The following MALT1 variants were observed in gnomAD, a reference collection of about 807,000 sequenced individuals.
The protein encoded by MALT1 is MALT1 paracaspase, also known as mucosa-associated lymphoid tissue lymphoma translocation protein 1.
In MALT1, 36 loss-of-function variants were observed where a neutral mutation model predicts 85.5. That is an observed-to-expected ratio of 0.42 (90% CI 0.32 to 0.56). The LOEUF (loss-of-function observed/expected upper bound fraction) is 0.56, where lower values mean the gene tolerates loss of function less well. MALT1 is among the 20% of genes least tolerant of loss of function. MALT1 has a pLI of 0.10. For missense variants in MALT1, 716 were observed against 981.6 expected, an observed-to-expected ratio of 0.73 and a Z score of 3.62; for synonymous variants, 359 against 361.3, an observed-to-expected ratio of 0.99 and a Z score of 0.07.
At position 58,714,119 on chromosome 18, in the gene MALT1, A is replaced by C. The variant is rs767943013; in HGVS notation, c.985+10A>C. ...AATCTTGGTCATCCTGGTGAGTAAT[A>C]CAAACATAAAACTTTAGTTTTAGAT... On this transcript the variant is annotated intron_variant, in intron 8 of 16. Coordinates refer to ENST00000649217, the MANE Select transcript of MALT1 (RefSeq NM_006785.4). 8.0e-7 allele frequency: 1 copy of C among 1,248,678 alleles called. No individual in the cohort carries two copies. Among genetic ancestry groups the C allele is most frequent in the South Asian group, 1.3e-5 (1 of 79,908 alleles). The allele number at this position is 1,248,678 out of a possible 1,614,324, so 77.3% of individuals were successfully genotyped here.
At chr18:58,689,059 G>A (rs1409317766) in intron 2 of MALT1, among the ~76,000 whole-genome samples, 1 of 152,096 alleles carries the variant, frequency 6.6e-6, no homozygotes, top group Non-Finnish European at 1.5e-5. Flanking sequence ...TGCTGAGGTG[G>A]GAGGATGGCT....
intron 14 of MALT1, 147 bp from the exon 15 acceptor site, chr18:58,744,191 G>C: frequency 2.2e-6 from 1 of 460,758 alleles, no homozygotes; most frequent in Non-Finnish European, 3.8e-6. Flanking sequence ...CAGCAGAATA[G>C]TGAGCATTAT....
intron 3 of MALT1, 45 bp from the exon 4 acceptor site, chr18:58,700,396 G>A: frequency 6.9e-7 from 1 of 1,444,446 alleles, no homozygotes; most frequent in South Asian, 1.4e-5. Context: ...TTTATAAGGT[G>A]TGTTTTTGAT....
chr18:58,738,393 G>T (rs1453956124), intron 13 of MALT1, among the ~76,000 whole-genome samples: 1 of 151,970 alleles, frequency 6.6e-6, no homozygotes, highest in Non-Finnish European at 1.5e-5. Context: ...CTCCTGTGTT[G>T]GTGAGCATTT....
intron 9 of MALT1, among the ~76,000 whole-genome samples, chr18:58,717,362 CAAA>C (rs59731346): frequency 3.0e-5 from 3 of 98,436 alleles, no homozygotes; most frequent in Non-Finnish European, 2.3e-5. Flanking sequence ...AACTCTGTCT[CAAA>C]AAAAAAAAAA....
At chr18:58,721,556 A>C (rs563461525) in intron 9 of MALT1, among the ~76,000 whole-genome samples, 2 of 152,216 alleles carry the variant, frequency 1.3e-5, no homozygotes, top group Non-Finnish European at 2.9e-5. Context: ...TACATATAGA[A>C]TAGAGATGAC....
chr18:58,712,876 G>T (rs1165664375), intron 7 of MALT1, among the ~76,000 whole-genome samples: 1 of 152,078 alleles, frequency 6.6e-6, no homozygotes, highest in East Asian at 1.9e-4. Flanking sequence ...TTTTTTTAGG[G>T]CAGTGGAACT....
chr18:58,689,622 A>G (rs1416459119), intron 2 of MALT1, among the ~76,000 whole-genome samples: 2 of 152,222 alleles, frequency 1.3e-5, no homozygotes, highest in Non-Finnish European at 2.9e-5. Context: ...ACGGACAGTA[A>G]GAAACAGGGA....
intron 2 of MALT1, among the ~76,000 whole-genome samples, chr18:58,693,860 A>G (rs1001885957): frequency 2.0e-5 from 3 of 152,314 alleles, no homozygotes; most frequent in Non-Finnish European, 2.9e-5. Flanking sequence ...CAAAACTCCT[A>G]TATTTTTTAG....
chr18:58,697,419 G>C lies in MALT1; in HGVS notation c.498+932G>C, dbSNP rs11877207. Among the ~76,000 whole-genome samples, 1,020 of 152,230 alleles carry C rather than the reference G, an allele frequency of 6.7e-3. 12 individuals carry two copies. Among genetic ancestry groups the C allele is most frequent in the African/African-American group, 0.023 (943 of 41,534 alleles). On this transcript the variant is annotated intron_variant, in intron 3 of 16. Transcript: ENST00000649217. ...GAATGTAGTAAAAAGATTGCATGTA[G>C]CTTTGGCACTAGATAGGTCTGTGTT... is the stretch of plus-strand genomic sequence containing the variant.
At chr18:58,677,097 A>G (rs1240141972) in intron 1 of MALT1, among the ~76,000 whole-genome samples, 2 of 152,236 alleles carry the variant, frequency 1.3e-5, no homozygotes, top group African/African-American at 4.8e-5. Flanking sequence ...GCACACTCTT[A>G]CAGGAATGTA....
chr18:58,698,927 T>G (rs2144358031), intron 3 of MALT1, among the ~76,000 whole-genome samples: 1 of 152,292 alleles, frequency 6.6e-6, no homozygotes, highest in South Asian at 2.1e-4. Flanking sequence ...TTATGGTACT[T>G]TTACTCTTGG....
intron 10 of MALT1, 143 bp from the exon 11 acceptor site, chr18:58,733,254 A>G (rs1186675368): frequency 6.8e-6 from 4 of 584,074 alleles, no homozygotes; most frequent in Non-Finnish European, 1.2e-5. Flanking sequence ...GTCTATATTT[A>G]TAATTGGGTA....
chr18:58,676,849 A>G (rs1228389398), intron 1 of MALT1, among the ~76,000 whole-genome samples: 2 of 152,238 alleles, frequency 1.3e-5, no homozygotes, highest in Non-Finnish European at 2.9e-5. Context: ...AAATAGATCA[A>G]ATTAATGAAT....
At position 58,751,752 on chromosome 18, in the gene MALT1, C is replaced by T. The variant is rs2055449829; in HGVS notation, c.*3910C>T. 1 of 152,118 alleles carries T rather than the reference C, an allele frequency of 6.6e-6. No individual in the cohort carries two copies. Among genetic ancestry groups the T allele is most frequent in the Non-Finnish European group, 1.5e-5 (1 of 68,020 alleles). The allele number at this position is 152,118 out of a possible 1,614,324, so 9.4% of individuals were successfully genotyped here. On this transcript the variant is annotated 3_prime_UTR_variant, in exon 17 of 17. Coordinates refer to ENST00000649217, the MANE Select transcript of MALT1 (RefSeq NM_006785.4). ...GTGGAGGTTTGAGCAAGTAAAGGCT[C>T]ACCCAAATTCAAAGCCAATACTTGA...
At chr18:58,675,380 T>G (rs1236847308) in intron 1 of MALT1, 2 of 152,152 alleles carry the variant, frequency 1.3e-5, no homozygotes, top group Non-Finnish European at 2.9e-5. Context: ...ATTATAGGAA[T>G]GAGAACGTGT....
At chr18:58,715,892 A>C in intron 8 of MALT1, 43 bp from the exon 9 acceptor site, 1 of 1,363,182 alleles carries the variant, frequency 7.3e-7, no homozygotes, top group Non-Finnish European at 1.0e-6. Context: ...CTCTGGAAAT[A>C]TACCATGGAT....
At chr18:58,745,280 A>G (rs1031649508) in intron 15 of MALT1, among the ~76,000 whole-genome samples, 3 of 152,210 alleles carry the variant, frequency 2.0e-5, no homozygotes, top group Admixed American at 2.0e-4. Flanking sequence ...ATCCTTCTTA[A>G]ATATTCTAAT....
chr18:58,708,096 A>G (rs778092814), intron 4 of MALT1, among the ~76,000 whole-genome samples: 1 of 152,196 alleles, frequency 6.6e-6, no homozygotes, highest in Non-Finnish European at 1.5e-5. Context: ...CTTGGAAAGC[A>G]AAGGCACTGC....
Sources: allele counts gnomAD v4.1 joint callset (sites outside exome capture counted in the v4.1 genomes callset), GRCh38; gene constraint gnomAD v4.1.1; transcripts MANE v1.5; gene names NCBI Gene and HGNC (gene_info 2026-07-23, HGNC 2026-07-21).